The following PDZD2 variants were observed in gnomAD, a reference collection of about 807,000 sequenced individuals.
PDZD2 encodes PDZ domain-containing protein 2.
In PDZD2, 90 loss-of-function variants were observed where a neutral mutation model predicts 220.7. The ratio of observed to expected loss-of-function variants is 0.41; its 90% CI spans 0.34 to 0.49. The LOEUF is 0.49. Ranked by LOEUF, PDZD2 falls within the 20% of genes least tolerant of loss-of-function variation. The pLI, the probability that PDZD2 is intolerant of heterozygous loss-of-function variation, is 0.28. For missense variants in PDZD2, 3,174 were observed against 3,608.5 expected, an observed-to-expected ratio of 0.88 and a Z score of 3.08; for synonymous variants, 1,375 against 1,450.5, an observed-to-expected ratio of 0.95 and a Z score of 1.18.
At chr5:31,904,992 A>G (rs547896261) in intron 2 of PDZD2, among the ~76,000 whole-genome samples, 1 of 151,914 alleles carries the variant, frequency 6.6e-6, no homozygotes, top group Non-Finnish European at 1.5e-5. Flanking sequence ...TTTTGGAGAC[A>G]GAGTCTTGCT....
chr5:31,697,012 A>G (rs450484), intron 1 of PDZD2, among the ~76,000 whole-genome samples: 68,837 of 152,080 alleles, frequency 0.45, 16,285 homozygotes, highest in East Asian at 0.62. Flanking sequence ...ACGGGATGTT[A>G]CAATTTAATT....
At chr5:32,003,733 C>T (rs113187914) in intron 5 of PDZD2, among the ~76,000 whole-genome samples, 281 of 152,094 alleles carry the variant, frequency 1.8e-3, no homozygotes, top group African/African-American at 4.4e-3. Flanking sequence ...TTTTTTGAGA[C>T]GGAGTCTCAC....
intron 1 of PDZD2, among the ~76,000 whole-genome samples, chr5:31,779,033 C>T (rs1443430127): frequency 6.6e-6 from 1 of 152,146 alleles, no homozygotes; most frequent in Admixed American, 6.6e-5. Flanking sequence ...AATGAAACCA[C>T]AAATCTGGTT....
intron 1 of PDZD2, among the ~76,000 whole-genome samples, chr5:31,781,049 G>GA (rs1753036857): frequency 6.6e-6 from 1 of 152,200 alleles, no homozygotes; most frequent in Middle Eastern, 3.2e-3. Flanking sequence ...TTACACCACC[G>GA]ATCAGTTAGG....
At chr5:31,920,357 T>C (rs1296975217) in intron 2 of PDZD2, among the ~76,000 whole-genome samples, 1 of 145,006 alleles carries the variant, frequency 6.9e-6, no homozygotes, top group African/African-American at 2.6e-5. Context: ...TATCTCCTTT[T>C]CCCACACATG....
intron 1 of PDZD2, among the ~76,000 whole-genome samples, chr5:31,781,303 A>G (rs1753049909): frequency 6.6e-6 from 1 of 152,172 alleles, no homozygotes; most frequent in African/African-American, 2.4e-5. Flanking sequence ...AATCCCAGCT[A>G]CTCATGAGGC....
intron 1 of PDZD2, chr5:31,725,669 AAT>A (rs1481836489): frequency 1.1e-5 from 11 of 1,024,736 alleles, no homozygotes; most frequent in African/African-American, 1.6e-5. Context: ...CCAGACTTGT[AAT>A]GTGCTTTGGA....
chr5:32,012,869 ATAAAT>A (rs1202323541), intron 6 of PDZD2, among the ~76,000 whole-genome samples: 1 of 151,826 alleles, frequency 6.6e-6, no homozygotes, highest in African/African-American at 2.4e-5. Context: ...TACAATTTAA[ATAAAT>A]TTATTATAAT....
At chr5:31,766,580 T>C (rs6886231) in intron 1 of PDZD2, among the ~76,000 whole-genome samples, 10,186 of 152,112 alleles carry the variant, frequency 0.067, 817 homozygotes, top group African/African-American at 0.2. Flanking sequence ...TTAGTAGAGA[T>C]GGGGTTTCAC....
intron 24 of PDZD2, chr5:32,106,547 T>TGAGAA (rs1744782123): frequency 6.6e-6 from 1 of 152,244 alleles, no homozygotes; most frequent in African/African-American, 2.4e-5. Flanking sequence ...ATTTTGCAGA[T>TGAGAA]GAGAAAACTG....
chr5:31,946,034 C>G (rs1746599032), intron 2 of PDZD2, among the ~76,000 whole-genome samples: 1 of 152,002 alleles, frequency 6.6e-6, no homozygotes. Context: ...ATGGAGTCTC[C>G]CTCTGTCACC....
At chr5:31,771,569 G>A (rs1241927640) in intron 1 of PDZD2, among the ~76,000 whole-genome samples, 1 of 152,206 alleles carries the variant, frequency 6.6e-6, no homozygotes, top group African/African-American at 2.4e-5. Context: ...CCAGGGTCCA[G>A]GAACAGGAGG....
chr5:31,960,460 C>T (rs565533496), intron 2 of PDZD2, among the ~76,000 whole-genome samples: 5 of 152,150 alleles, frequency 3.3e-5, no homozygotes, highest in Non-Finnish European at 5.9e-5. Flanking sequence ...TCTGCCGCCT[C>T]GGCCTTCCAA....
chr5:32,004,813 G>C (rs979134622), intron 5 of PDZD2, among the ~76,000 whole-genome samples: 1 of 152,222 alleles, frequency 6.6e-6, no homozygotes, highest in African/African-American at 2.4e-5. Context: ...GACTTTTAGG[G>C]ACGCTTGCTT....
intron 2 of PDZD2, among the ~76,000 whole-genome samples, chr5:31,939,795 A>G (rs1746060659): frequency 6.6e-6 from 1 of 152,226 alleles, no homozygotes; most frequent in South Asian, 2.1e-4. Flanking sequence ...CTATGGAAAC[A>G]AGGCTGGAAT....
intron 1 of PDZD2, among the ~76,000 whole-genome samples, chr5:31,796,370 C>T (rs1256063925): frequency 1.3e-5 from 2 of 152,214 alleles, no homozygotes; most frequent in Non-Finnish European, 2.9e-5. Context: ...CCCAGGGGCG[C>T]TCTCTCCCGG....
chr5:31,893,878 C>CATTT (rs66512107), intron 2 of PDZD2, among the ~76,000 whole-genome samples: 1,565 of 148,312 alleles, frequency 0.011, 14 homozygotes, highest in Middle Eastern at 0.017. Flanking sequence ...ATAATCAGCA[C>CATTT]ATTTATTTAT....
At chr5:31,906,563 C>T (rs1281023221) in intron 2 of PDZD2, among the ~76,000 whole-genome samples, 1 of 152,000 alleles carries the variant, frequency 6.6e-6, no homozygotes, top group Non-Finnish European at 1.5e-5. Context: ...CTATTTATAG[C>T]CGGGTGCAGT....
At chr5:31,778,457 C>T (rs1043950460) in intron 1 of PDZD2, among the ~76,000 whole-genome samples, 23 of 151,930 alleles carry the variant, frequency 1.5e-4, no homozygotes, top group African/African-American at 5.6e-4. Context: ...ACTCCTGAGG[C>T]CAGCGAGACC....
Sources: allele counts gnomAD v4.1 joint callset (sites outside exome capture counted in the v4.1 genomes callset), GRCh38; gene constraint gnomAD v4.1.1; transcripts MANE v1.5; gene names NCBI Gene and HGNC (gene_info 2026-07-23, HGNC 2026-07-21).